RIMS1: variants seen among roughly 807,000 people sequenced by gnomAD.
RIMS1 encodes regulating synaptic membrane exocytosis protein 1.
In RIMS1, 83 loss-of-function variants were observed where a neutral mutation model predicts 214.1. That is an observed-to-expected ratio of 0.39 (90% CI 0.32 to 0.47). The LOEUF is 0.47. RIMS1 is among the 20% of genes least tolerant of loss of function. The pLI, the probability that RIMS1 is intolerant of heterozygous loss-of-function variation, is 0.99. For synonymous variants in RIMS1, 793 were observed against 786.8 expected, an observed-to-expected ratio of 1.01 and a Z score of -0.13; for missense variants, 2,050 against 2,161.8, an observed-to-expected ratio of 0.95 and a Z score of 1.03.
intron 29 of RIMS1, among the ~76,000 whole-genome samples, chr6:72,355,338 AC>A (rs2097587205): frequency 6.6e-6 from 1 of 152,184 alleles, no homozygotes; most frequent in African/African-American, 2.4e-5. Flanking sequence ...TAGAGGATTT[AC>A]TTGTATTACA....
chr6:72,245,862 G>A lies in RIMS1; in HGVS notation c.2128+1G>A. On this transcript the variant is annotated splice_donor_variant, in intron 11 of 33. Transcript: ENST00000521978. LOFTEE classifies it high-confidence loss of function. ...AGCTCCCACCCTCCACTGGAGTCCA[G>A]TGAGTATAAGGTTTCTTTGTTATTA... 6.3e-7 allele frequency: 1 copy of A among 1,587,384 alleles called. No homozygotes were observed.
intron 32 of RIMS1, among the ~76,000 whole-genome samples, chr6:72,398,743 A>G (rs1267300188): frequency 6.6e-6 from 1 of 152,194 alleles, no homozygotes; most frequent in Admixed American, 6.5e-5. Context: ...ATAACTTTGT[A>G]TACATTGAGT....
intron 6 of RIMS1, among the ~76,000 whole-genome samples, chr6:72,201,026 C>A (rs1246889846): frequency 2.6e-4 from 39 of 151,860 alleles, no homozygotes; most frequent in Admixed American, 2.6e-3. Flanking sequence ...AAAAAAGTCT[C>A]CTTGATTCTA....
At chr6:71,964,036 A>G (rs888510070) in intron 1 of RIMS1, among the ~76,000 whole-genome samples, 1 of 152,212 alleles carries the variant, frequency 6.6e-6, no homozygotes, top group Non-Finnish European at 1.5e-5. Context: ...AGTATATCTC[A>G]GAAAACAGTA....
At chr6:71,954,271 C>T (rs997319618) in intron 1 of RIMS1, among the ~76,000 whole-genome samples, 8 of 152,148 alleles carry the variant, frequency 5.3e-5, no homozygotes, top group African/African-American at 1.2e-4. Flanking sequence ...AGCAATAAAT[C>T]TTAGTATAAT....
rs377615706 is a variant in RIMS1, at chr6:72,033,565, T to A, written c.246-63384T>A. ...GGTGTGATCTCGGCTCACTGCTACC[T>A]CCGCCTCCCAGGTTCAAGTGATTCT... On this transcript the variant is annotated intron_variant, in intron 2 of 33. Transcript: ENST00000521978. 1.8e-4 allele frequency among the ~76,000 whole-genome samples: 28 copies of A among 151,996 alleles called. No homozygotes were observed. In the East Asian group the frequency reaches 3.7e-3, roughly 20 times the overall value.
At chr6:72,171,623 T>C (rs1362346800) in intron 4 of RIMS1, among the ~76,000 whole-genome samples, 2 of 152,310 alleles carry the variant, frequency 1.3e-5, no homozygotes, top group South Asian at 4.1e-4. Flanking sequence ...CTATAGATGA[T>C]GACAATGAGT....
At chr6:72,233,665 T>A in intron 6 of RIMS1, 108 bp from the exon 7 acceptor site, 2 of 832,500 alleles carry the variant, frequency 2.4e-6, no homozygotes, top group East Asian at 5.3e-5. Flanking sequence ...ATGTACACGC[T>A]CAAGCTTATG....
In RIMS1 at chr6:72,261,505, C is replaced by T. The variant is rs2077999050; in HGVS notation, c.3116+738C>T. On this transcript the variant is annotated intron_variant, in intron 19 of 33. Coordinates refer to ENST00000521978, the MANE Select transcript of RIMS1 (RefSeq NM_014989.7). Reference sequence around the variant, plus strand: ...TTTCATATCCAAGTAAAACTTCTTACAGATTACTCATGGAACATATTCTAT... The same window carrying T: ...TTTCATATCCAAGTAAAACTTCTTATAGATTACTCATGGAACATATTCTAT... 7 of 939,966 alleles carry T rather than the reference C, an allele frequency of 7.4e-6. No individual in the cohort carries two copies. In the South Asian group the frequency reaches 3.0e-4, roughly 40 times the overall value. 58.2% of individuals were successfully genotyped at this position (939,966 alleles called of 1,614,324 possible).
At chr6:71,947,521 AT>A (rs1241066533) in intron 1 of RIMS1, among the ~76,000 whole-genome samples, 1 of 152,110 alleles carries the variant, frequency 6.6e-6, no homozygotes. Context: ...AAAGAATAAA[AT>A]GGTGATTATC....
At chr6:72,237,487 C>G (rs2064723369) in intron 8 of RIMS1, among the ~76,000 whole-genome samples, 1 of 151,974 alleles carries the variant, frequency 6.6e-6, no homozygotes, top group Non-Finnish European at 1.5e-5. Context: ...TCAGTCTGGG[C>G]AACATGGCAA....
At chr6:72,061,929 A>G (rs2152251861) in intron 2 of RIMS1, among the ~76,000 whole-genome samples, 1 of 152,370 alleles carries the variant, frequency 6.6e-6, no homozygotes, top group Non-Finnish European at 1.5e-5. Context: ...CATAAATATA[A>G]TTATTCAGCA....
intron 26 of RIMS1, among the ~76,000 whole-genome samples, chr6:72,301,590 T>C (rs983930679): frequency 2.0e-5 from 3 of 151,594 alleles, no homozygotes; most frequent in African/African-American, 7.3e-5. Context: ...GTATAACAGA[T>C]TCATGAGATT....
chr6:72,272,362 T>C (rs900330815), intron 22 of RIMS1, among the ~76,000 whole-genome samples: 2 of 152,142 alleles, frequency 1.3e-5, no homozygotes, highest in African/African-American at 4.8e-5. Context: ...TTAAGTGACA[T>C]CTTTTCTTAG....
intron 4 of RIMS1, among the ~76,000 whole-genome samples, chr6:72,106,885 G>A (rs558206807): frequency 2.0e-4 from 30 of 152,238 alleles, no homozygotes; most frequent in African/African-American, 5.3e-4. Context: ...AGATTTATGC[G>A]TCATATGCAG....
intron 21 of RIMS1, 150 bp downstream of exon 21, chr6:72,265,653 T>A (rs941215335): frequency 1.4e-5 from 8 of 562,540 alleles, no homozygotes; most frequent in Non-Finnish European, 2.5e-5. Flanking sequence ...AGGCATTTTG[T>A]TTTAGTGCTT....
At chr6:72,180,581 C>T (rs1050298995) in intron 5 of RIMS1, among the ~76,000 whole-genome samples, 6 of 152,106 alleles carry the variant, frequency 3.9e-5, no homozygotes, top group African/African-American at 7.2e-5. Flanking sequence ...TAAACAGGGA[C>T]GAATATGATC....
chr6:72,244,236 T>C (rs987958733), intron 10 of RIMS1, among the ~76,000 whole-genome samples: 4 of 151,798 alleles, frequency 2.6e-5, no homozygotes, highest in Non-Finnish European at 5.9e-5. Flanking sequence ...TTGACCTTTA[T>C]GCTTTTAATT....
chr6:72,293,457 G>A (rs535586494), intron 26 of RIMS1, among the ~76,000 whole-genome samples: 1 of 151,814 alleles, frequency 6.6e-6, no homozygotes, highest in South Asian at 2.1e-4. Flanking sequence ...GCAAAAGTTG[G>A]TGTTTATTTA....
Sources: allele counts gnomAD v4.1 joint callset (sites outside exome capture counted in the v4.1 genomes callset), GRCh38; gene constraint gnomAD v4.1.1; transcripts MANE v1.5; gene names NCBI Gene and HGNC (gene_info 2026-07-23, HGNC 2026-07-21).